TJP1: variants seen among roughly 807,000 people sequenced by gnomAD.
The protein encoded by TJP1 is tight junction protein 1.
TJP1 carries 43 observed loss-of-function variants against 194.2 expected under a neutral mutation model. The ratio of observed to expected loss-of-function variants is 0.22; its 90% CI spans 0.17 to 0.29. TJP1 has a LOEUF of 0.29. Ranked by LOEUF, TJP1 falls within the 10% of genes least tolerant of loss-of-function variation. The pLI is 1.00. For synonymous variants in TJP1, 801 were observed against 779.0 expected, an observed-to-expected ratio of 1.03 and a Z score of -0.47; for missense variants, 1,971 against 2,185.7, an observed-to-expected ratio of 0.90 and a Z score of 1.96.
chr15:29,739,638 G>A (rs1270816029), intron 10 of TJP1, among the ~76,000 whole-genome samples: 2 of 151,952 alleles, frequency 1.3e-5, no homozygotes, highest in Non-Finnish European at 2.9e-5. Flanking sequence ...TAGAGACGGG[G>A]TTTCGCCGTG....
At chr15:29,709,112 T>TG (rs1429165967) in intron 24 of TJP1, 76 bp from the exon 25 acceptor site, 1 of 1,427,512 alleles carries the variant, frequency 7.0e-7, no homozygotes, top group Admixed American at 2.0e-5. Context: ...TAACTTGTCC[T>TG]GGTGCTGGAG....
chr15:29,860,434 C>T (rs1054822714), intron 2 of TJP1, among the ~76,000 whole-genome samples: 2 of 152,160 alleles, frequency 1.3e-5, no homozygotes, highest in African/African-American at 4.8e-5. Flanking sequence ...ATCACCCCCT[C>T]AACTCCCTAG....
intron 2 of TJP1, among the ~76,000 whole-genome samples, chr15:29,921,920 T>C (rs958450627): frequency 6.6e-6 from 1 of 151,630 alleles, no homozygotes; most frequent in Non-Finnish European, 1.5e-5. Flanking sequence ...TCTCGGCTCA[T>C]TGCAACCTCC....
At chr15:29,753,685 AT>A (rs1231836211) in intron 8 of TJP1, among the ~76,000 whole-genome samples, 1 of 152,008 alleles carries the variant, frequency 6.6e-6, no homozygotes, top group Non-Finnish European at 1.5e-5. Flanking sequence ...AACTATGCAC[AT>A]TGGTCACGGT....
chr15:29,860,215 C>A (rs980014677), intron 2 of TJP1, among the ~76,000 whole-genome samples: 5 of 152,166 alleles, frequency 3.3e-5, no homozygotes, highest in Non-Finnish European at 7.3e-5. Context: ...CAGGAGTAAG[C>A]GCTTTCTTTC....
intron 3 of TJP1, among the ~76,000 whole-genome samples, chr15:29,772,773 AT>A (rs962284239): frequency 1.3e-5 from 2 of 152,008 alleles, no homozygotes; most frequent in Non-Finnish European, 2.9e-5. Context: ...AGCTTCCTTT[AT>A]TTTCTTTGGA....
chr15:29,876,349 G>A (rs1012406379), intron 2 of TJP1, among the ~76,000 whole-genome samples: 4 of 152,024 alleles, frequency 2.6e-5, no homozygotes, highest in Admixed American at 6.6e-5. Context: ...GTGAAACTCC[G>A]TCTCTACTAA....
intron 2 of TJP1, among the ~76,000 whole-genome samples, chr15:29,937,089 C>T (rs1363461540): frequency 6.6e-6 from 1 of 152,170 alleles, no homozygotes; most frequent in Non-Finnish European, 1.5e-5. Flanking sequence ...GAAATTTACA[C>T]AATTCTTTCA....
intron 1 of TJP1, among the ~76,000 whole-genome samples, chr15:29,804,899 C>T (rs2049019914): frequency 1.3e-5 from 2 of 152,168 alleles, no homozygotes; most frequent in South Asian, 4.1e-4. Context: ...CTAGACCAGG[C>T]ATAAGGAGAC....
In TJP1 at chr15:29,834,304, C is replaced by T. The variant is rs2050952435; in HGVS notation, c.307-33602G>A. Among the ~76,000 whole-genome samples the T allele has an allele frequency of 3.3e-5, 5 of 151,746 alleles. No homozygotes were observed. The South Asian group carries it at 1.0e-3, about 32-fold the overall frequency. ...TGGCGAGATCTCGGCTCACTGCATC[C>T]TCCACCTCCCAGGTTCAAGCAATTC... On this transcript the variant is annotated intron_variant, in intron 2 of 28. Coordinates refer to the TJP1 transcript ENST00000356107.
chr15:29,831,415 T>C (rs1250841634), intron 2 of TJP1, among the ~76,000 whole-genome samples: 2 of 152,192 alleles, frequency 1.3e-5, no homozygotes. Flanking sequence ...CTATGAAGGA[T>C]TCCTGCCAAA....
chr15:29,703,348 G>A (rs912570925), intron 27 of TJP1, among the ~76,000 whole-genome samples: 1 of 152,020 alleles, frequency 6.6e-6, no homozygotes, highest in African/African-American at 2.4e-5. Context: ...TGAGGCAGGA[G>A]AATCGCTTGA....
chr15:29,919,308 G>A (rs1197861168), intron 2 of TJP1, among the ~76,000 whole-genome samples: 4 of 152,224 alleles, frequency 2.6e-5, no homozygotes, highest in African/African-American at 4.8e-5. Context: ...CATTAGGTTG[G>A]TGGGCACAAG....
chr15:29,966,173 G>A (rs1330879404), intron 1 of TJP1, among the ~76,000 whole-genome samples: 1 of 152,152 alleles, frequency 6.6e-6, no homozygotes, highest in Non-Finnish European at 1.5e-5. Context: ...TAATATTGAT[G>A]TCTAATAATT....
chr15:29,705,421 T>G, intron 26 of TJP1, 107 bp downstream of exon 26: 1 of 1,183,420 alleles, frequency 8.5e-7, no homozygotes, highest in Non-Finnish European at 1.2e-6. Context: ...AGCACTCATC[T>G]GGAGATAGAG....
chr15:29,871,651 C>G (rs1041888589), intron 2 of TJP1, among the ~76,000 whole-genome samples: 1 of 152,226 alleles, frequency 6.6e-6, no homozygotes, highest in Non-Finnish European at 1.5e-5. Flanking sequence ...CCAAGCTGCA[C>G]GTGAAAAAGC....
chr15:29,788,210 C>T, intron 2 of TJP1, among the ~76,000 whole-genome samples: 1 of 152,084 alleles, frequency 6.6e-6, no homozygotes, highest in East Asian at 1.9e-4. Flanking sequence ...AGAAACAAAT[C>T]CCTTATCAGA....
chr15:29,919,869 C>T (rs1409033636), intron 2 of TJP1, among the ~76,000 whole-genome samples: 4 of 139,810 alleles, frequency 2.9e-5, no homozygotes, highest in Non-Finnish European at 6.1e-5. Context: ...TGGCTGGGGC[C>T]CTATTGGGCC....
chr15:29,831,272 T>C, intron 2 of TJP1, among the ~76,000 whole-genome samples: 1 of 152,362 alleles, frequency 6.6e-6, no homozygotes, highest in Non-Finnish European at 1.5e-5. Flanking sequence ...CATCATCCTG[T>C]ACTACTTAAT....
Sources: gnomAD v4.1 joint callset for allele counts (sites outside exome capture counted in the v4.1 genomes callset) on GRCh38, gnomAD v4.1.1 for gene constraint, MANE v1.5 for transcripts, NCBI Gene and HGNC (gene_info 2026-07-23, HGNC 2026-07-21) for gene names.